Variants in GPHN observed in about 807,000 individuals in gnomAD.
GPHN encodes gephyrin.
GPHN carries 17 observed loss-of-function variants against 95.5 expected under a neutral mutation model. The observed-to-expected ratio is 0.18, with a 90% CI of 0.12 to 0.27. GPHN has a LOEUF of 0.27. Ranked by LOEUF, GPHN falls within the 10% of genes least tolerant of loss-of-function variation. The pLI is 1.00. For missense variants in GPHN, 660 were observed against 978.1 expected, an observed-to-expected ratio of 0.67 and a Z score of 4.34; for synonymous variants, 320 against 322.5, an observed-to-expected ratio of 0.99 and a Z score of 0.08.
intron 4 of GPHN, among the ~76,000 whole-genome samples, chr14:66,852,387 G>A (rs1361703791): frequency 6.6e-6 from 1 of 152,236 alleles, no homozygotes; most frequent in Non-Finnish European, 1.5e-5. Flanking sequence ...AAATGTGTGT[G>A]TGTGCGTGCG....
At chr14:66,714,385 G>C (rs61989578) in intron 2 of GPHN, among the ~76,000 whole-genome samples, 5,537 of 152,208 alleles carry the variant, frequency 0.036, 139 homozygotes, top group Middle Eastern at 0.092. Context: ...ATCAGTTCTA[G>C]GAGCTTTCTG....
Position 67,168,217 on chromosome 14 carries a change from T to C in GPHN, c.1976-716T>C, listed in dbSNP as rs533475408. Reference sequence around the variant, plus strand: ...ACCTTTTCACTGTGTCTTCACATGATCTTTCCTGTATGTGTGCAGACTCCT... The same window carrying C: ...ACCTTTTCACTGTGTCTTCACATGACCTTTCCTGTATGTGTGCAGACTCCT... On this transcript the variant is annotated intron_variant, in intron 20 of 22. Transcript: ENST00000478722. Among the ~76,000 whole-genome samples the C allele has an allele frequency of 1.5e-4, 23 of 152,350 alleles. 1 individual carries two copies. In the East Asian group the frequency reaches 4.4e-3, roughly 29 times the overall value.
At chr14:67,134,946 C>CTTTTTTTTTT (rs1191759117) in intron 17 of GPHN, among the ~76,000 whole-genome samples, 1 of 59,158 alleles carries the variant, frequency 1.7e-5, no homozygotes. Flanking sequence ...CTCTTTCTTT[C>CTTTTTTTTTT]TTTCTTCTTT....
intron 1 of GPHN, among the ~76,000 whole-genome samples, chr14:66,642,519 C>A (rs929467004): frequency 2.0e-5 from 3 of 150,658 alleles, no homozygotes; most frequent in Non-Finnish European, 4.4e-5. Context: ...TTTACTGAGC[C>A]TTAAGAGTAC....
At chr14:67,575,167 C>G in the GPHN span, among the ~76,000 whole-genome samples, 1 of 152,038 alleles carries the variant, frequency 6.6e-6, no homozygotes, top group African/African-American at 2.4e-5. Flanking sequence ...CTAATCGTTT[C>G]ATGGCAGGTC....
chr14:67,519,748 G>A, the GPHN span, among the ~76,000 whole-genome samples: 1 of 150,658 alleles, frequency 6.6e-6, no homozygotes, highest in Non-Finnish European at 1.5e-5. Context: ...TTTGAGACAG[G>A]TTCTCGTTCT....
the GPHN span, among the ~76,000 whole-genome samples, chr14:67,290,245 C>T: frequency 6.6e-6 from 1 of 152,106 alleles, no homozygotes; most frequent in East Asian, 1.9e-4. Flanking sequence ...AACTAATTTA[C>T]AATAGTCGAG....
intron 2 of GPHN, among the ~76,000 whole-genome samples, chr14:66,775,848 T>C (rs1220626517): frequency 6.6e-6 from 1 of 152,214 alleles, no homozygotes; most frequent in Non-Finnish European, 1.5e-5. Context: ...GATTAAATTA[T>C]CTGTAACTCC....
intron 1 of GPHN, among the ~76,000 whole-genome samples, chr14:66,618,819 T>C (rs1454309889): frequency 6.6e-6 from 1 of 152,174 alleles, no homozygotes; most frequent in East Asian, 1.9e-4. Flanking sequence ...TTATGTATTA[T>C]TCATTGTGAA....
intron 7 of GPHN, 110 bp downstream of exon 7, chr14:66,923,048 C>A: frequency 2.2e-6 from 2 of 924,838 alleles, no homozygotes; most frequent in Non-Finnish European, 3.5e-6. Flanking sequence ...CTTCAGAGAA[C>A]CCTAAAAAAA....
At chr14:67,568,790 G>C in the GPHN span, among the ~76,000 whole-genome samples, 67 of 152,246 alleles carry the variant, frequency 4.4e-4, no homozygotes, top group African/African-American at 1.6e-3. Context: ...AGGATTCAGA[G>C]CAACAGTTTA....
the GPHN span, among the ~76,000 whole-genome samples, chr14:67,280,579 C>G: frequency 4.6e-5 from 7 of 152,144 alleles, no homozygotes; most frequent in East Asian, 1.4e-3. Context: ...TTAAAGACAC[C>G]AATGGTAGAG....
intron 1 of GPHN, among the ~76,000 whole-genome samples, chr14:66,552,492 C>T (rs1303733878): frequency 6.6e-6 from 1 of 151,958 alleles, no homozygotes; most frequent in Admixed American, 6.6e-5. Flanking sequence ...TTGTGTTTAC[C>T]AATTTATTTA....
intron 1 of GPHN, among the ~76,000 whole-genome samples, chr14:66,543,772 G>A (rs775593340): frequency 1.4e-4 from 22 of 152,232 alleles, no homozygotes; most frequent in Non-Finnish European, 3.1e-4. Flanking sequence ...TATCCCAGAT[G>A]TGTCAATTCC....
chr14:66,948,287 C>G (rs1453347985), intron 8 of GPHN, among the ~76,000 whole-genome samples: 4 of 151,324 alleles, frequency 2.6e-5, no homozygotes, highest in South Asian at 4.2e-4. Flanking sequence ...TATAAATATT[C>G]CTTGTAAAAA....
intron 17 of GPHN, among the ~76,000 whole-genome samples, chr14:67,141,731 TA>T (rs1488941671): frequency 1.3e-5 from 2 of 152,184 alleles, no homozygotes; most frequent in Non-Finnish European, 2.9e-5. Flanking sequence ...GCTTATCTCT[TA>T]TAGAGTCTGT....
chr14:66,737,715 G>A (rs2072419522), intron 2 of GPHN, among the ~76,000 whole-genome samples: 1 of 152,110 alleles, frequency 6.6e-6, no homozygotes, highest in South Asian at 2.1e-4. Context: ...TCCTTTTCTG[G>A]ATTTATGATT....
At chr14:67,633,099 C>A in the GPHN span, among the ~76,000 whole-genome samples, 5 of 152,042 alleles carry the variant, frequency 3.3e-5, no homozygotes, top group Non-Finnish European at 7.4e-5. Flanking sequence ...GGATTACAGG[C>A]GTGAGCCACT....
chr14:67,698,792 T>C, the GPHN span, among the ~76,000 whole-genome samples: 46 of 152,326 alleles, frequency 3.0e-4, 1 homozygote, highest in African/African-American at 1.1e-3. Context: ...AAAGCAGCCA[T>C]AGATAATATT....
Sources: gnomAD v4.1 joint callset for allele counts (sites outside exome capture counted in the v4.1 genomes callset) on GRCh38, gnomAD v4.1.1 for gene constraint, MANE v1.5 for transcripts, NCBI Gene and HGNC (gene_info 2026-07-23, HGNC 2026-07-21) for gene names.